Variants in C14orf39 observed in about 807,000 individuals in gnomAD.
C14orf39 encodes protein SIX6OS1.
Under a neutral mutation model 85.6 loss-of-function variants are expected in C14orf39, and 66 were observed. That is an observed-to-expected ratio of 0.77 (90% CI 0.63 to 0.95). The LOEUF is 0.95. Among genes scored for constraint, C14orf39 ranks in the 40% least tolerant of loss-of-function variants. The pLI is 0.00. For missense variants in C14orf39, 735 were observed against 663.9 expected (o/e 1.11, Z -1.18); for synonymous variants, 242 against 214.0 (o/e 1.13, Z -1.14).
rs969045739 is a variant in C14orf39 at position 60,483,891 on chromosome 14, G to A, written c.107-74C>T. 6 of 1,018,614 alleles carry A rather than the reference G, an allele frequency of 5.9e-6. No individual in the cohort carries two copies. The African/African-American group carries it at 1.0e-4, about 17-fold the overall frequency. 63.1% of individuals were successfully genotyped at this position (1,018,614 alleles called of 1,614,324 possible). On this transcript the variant is annotated intron_variant, in intron 3 of 17. Coordinates refer to ENST00000321731, the MANE Select transcript of C14orf39 (RefSeq NM_174978.3). Reference sequence around the variant, plus strand: ...AAATAAACAAATAGAGAAAAAAAATGGGTATGGCAGCTTACCTAAAAGGAA... The same window carrying A: ...AAATAAACAAATAGAGAAAAAAAATAGGTATGGCAGCTTACCTAAAAGGAA...
intron 11 of C14orf39, among the ~76,000 whole-genome samples, chr14:60,463,873 T>G (rs1279849843): frequency 6.6e-6 from 1 of 152,138 alleles, no homozygotes; most frequent in African/African-American, 2.4e-5. Context: ...GCTATTCAGA[T>G]TCCCTAAATC....
In C14orf39 at chr14:60,486,055, G is replaced by C. The variant is rs8021347; in HGVS notation, c.-119C>G. On this transcript the variant is annotated 5_prime_UTR_variant, in exon 1 of 18. Transcript: ENST00000321731. ...CTACAAACGGTCCCCGGAGCCCTGG[G>C]CTGGACTCGCTCAGCCCCGCCCCCA... 126,352 of 152,578 alleles carry C rather than the reference G, an allele frequency of 0.83. 53,798 individuals are homozygous for C. The highest frequency in any genetic ancestry group is 0.92 in the Non-Finnish European group (62,890 of 68,398). 9.5% of individuals were successfully genotyped at this position (152,578 alleles called of 1,614,324 possible).
chr14:60,472,325 A>G (rs376568595), intron 5 of C14orf39, among the ~76,000 whole-genome samples: 14 of 152,218 alleles, frequency 9.2e-5, no homozygotes, highest in Admixed American at 5.2e-4. Context: ...TCCAGCTCCA[A>G]TAGTAGTGGA....
Position 60,469,608 on chromosome 14 carries a change from G to A in C14orf39, c.600C>T (p.Ser200=). The change falls in exon 8 of 18, where the codon AGC becomes AGT. Residue 200 remains serine (S), a synonymous_variant. Transcript: ENST00000321731. The part of the protein sequence containing the change: ...CETQDILKHA[S]NLTKSSSELK... ...ATTCGGATGAACTTTTGGTAAGATT[G>A]CTGGCATGTTTAAGAATATCTTGTG... 2 of 1,515,672 alleles carry A rather than the reference G, an allele frequency of 1.3e-6. No individual in the cohort carries two copies. The highest frequency in any genetic ancestry group is 1.8e-6 in the Non-Finnish European group (2 of 1,123,156). 93.9% of individuals were successfully genotyped at this position (1,515,672 alleles called of 1,614,324 possible). A position where few individuals can be genotyped will look rare whatever the true frequency, so the allele number is the denominator to read the frequency against.
chr14:60,447,891 A>G (rs1478572660), intron 16 of C14orf39, among the ~76,000 whole-genome samples: 1 of 152,140 alleles, frequency 6.6e-6, no homozygotes, highest in African/African-American at 2.4e-5. Context: ...ATAACACCAC[A>G]CATGTACAAC....
chr14:60,436,864 G>C lies in C14orf39; in HGVS notation c.1745C>G (p.Thr582Arg), dbSNP rs755855867. 3.2e-5 allele frequency: 52 copies of C among 1,608,744 alleles called. No individual in the cohort carries two copies. Among genetic ancestry groups the C allele is most frequent in the Non-Finnish European group, 4.3e-5 (51 of 1,176,042 alleles). Residue 582 changes from threonine (T) to arginine (R), a missense_variant, in exon 18 of 18, where the codon ACA (threonine) becomes AGA (arginine). By Grantham distance (71) the Thr-to-Arg change is moderately conservative. Coordinates refer to ENST00000321731, the MANE Select transcript of C14orf39 (RefSeq NM_174978.3). Reference sequence around the variant, plus strand: ...ACTAGCTCAAAAAAAAGTAAACTGTGTTGTATTTTGTGAGGAAGATGAAAA... The same window carrying C: ...ACTAGCTCAAAAAAAAGTAAACTGTCTTGTATTTTGTGAGGAAGATGAAAA... ...KGFSSSSQNT[T>R]QFTFF
intron 4 of C14orf39, among the ~76,000 whole-genome samples, chr14:60,481,263 GA>G (rs900564851): frequency 6.6e-6 from 1 of 151,594 alleles, no homozygotes; most frequent in Non-Finnish European, 1.5e-5. Context: ...TCTGTGTATG[GA>G]AAAAAAAGAC....
In C14orf39 at chr14:60,436,748, A is replaced by G. The variant is rs1186108538; in HGVS notation, c.*97T>C. ...TAATGTAAACATTACTGCTTTAATC[A>G]ATAAAAGAAAGCAGTCTTCATGTTT... is the stretch of plus-strand genomic sequence containing the variant. On this transcript the variant is annotated 3_prime_UTR_variant, in exon 18 of 18. Coordinates refer to ENST00000321731, the MANE Select transcript of C14orf39 (RefSeq NM_174978.3). 5.3e-6 allele frequency: 4 copies of G among 755,204 alleles called. No homozygotes were observed. Among genetic ancestry groups the G allele is most frequent in the Non-Finnish European group, 8.8e-6 (4 of 454,202 alleles). 46.8% of individuals were successfully genotyped at this position (755,204 alleles called of 1,614,324 possible).
chr14:60,451,338 G>A (rs975664466), intron 16 of C14orf39, among the ~76,000 whole-genome samples: 1 of 151,960 alleles, frequency 6.6e-6, no homozygotes, highest in African/African-American at 2.4e-5. Flanking sequence ...CCCATTACTG[G>A]GTATATACCC....
At chr14:60,511,592 G>C (rs1406786813) in intron 1 of C14orf39, 7 of 481,128 alleles carry the variant, frequency 1.5e-5, no homozygotes, top group Non-Finnish European at 2.7e-5. Flanking sequence ...ATTTCACGTC[G>C]AAAGGACGCT....
intron 1 of C14orf39, among the ~76,000 whole-genome samples, chr14:60,514,434 G>A (rs1448897485): frequency 1.3e-5 from 2 of 151,972 alleles, no homozygotes; most frequent in African/African-American, 4.8e-5. Flanking sequence ...TTTACCCCAA[G>A]CCCCAGGTCA....
intron 5 of C14orf39, 145 bp from the exon 6 acceptor site, chr14:60,471,884 C>A (rs1348229709): frequency 3.8e-6 from 2 of 530,966 alleles, no homozygotes; most frequent in East Asian, 3.1e-5. Context: ...GCCCTTTAGA[C>A]TTTCCTTAAC....
intron 15 of C14orf39, 62 bp from the exon 16 acceptor site, chr14:60,455,207 G>T: frequency 8.4e-7 from 1 of 1,191,208 alleles, no homozygotes; most frequent in Non-Finnish European, 1.2e-6. Context: ...ATACTGGTAA[G>T]CATCATAAGC....
chr14:60,469,703 T>A (rs1362517098), intron 7 of C14orf39, 50 bp from the exon 8 acceptor site: 1 of 773,966 alleles, frequency 1.3e-6, no homozygotes, highest in Admixed American at 3.3e-5. Context: ...ATATTTATAA[T>A]ATATGTGCCA....
chr14:60,474,482 T>A, intron 5 of C14orf39, among the ~76,000 whole-genome samples: 1 of 118,170 alleles, frequency 8.5e-6, no homozygotes, highest in Non-Finnish European at 1.9e-5. Flanking sequence ...TTGTGCCAGT[T>A]TTCAAAGGGA....
chr14:60,503,740 T>A (rs1893172770), intron 1 of C14orf39, among the ~76,000 whole-genome samples: 1 of 152,244 alleles, frequency 6.6e-6, no homozygotes, highest in African/African-American at 2.4e-5. Flanking sequence ...AGTATTTGGT[T>A]ATCCTAAGTA....
intron 1 of C14orf39, chr14:60,514,975 G>C (rs916947052): frequency 6.6e-6 from 1 of 152,510 alleles, no homozygotes; most frequent in South Asian, 2.1e-4. Flanking sequence ...GGGACAATGC[G>C]CGGGGCCGCG....
chr14:60,495,975 C>T, intron 2 of C14orf39: 1 of 474,626 alleles, frequency 2.1e-6, no homozygotes, highest in South Asian at 1.5e-5. Context: ...ACATATGTCC[C>T]ACTTTAGGAC....
At chr14:60,450,675 G>A (rs1328359092) in intron 16 of C14orf39, among the ~76,000 whole-genome samples, 1 of 152,146 alleles carries the variant, frequency 6.6e-6, no homozygotes, top group Non-Finnish European at 1.5e-5. Context: ...AACACAGCGG[G>A]TAGCCAGGTA....
Sources: allele counts gnomAD v4.1 joint callset (sites outside exome capture counted in the v4.1 genomes callset), GRCh38; gene constraint gnomAD v4.1.1; transcripts MANE v1.5; gene names NCBI Gene and HGNC (gene_info 2026-07-23, HGNC 2026-07-21).